Variants in SYCP1 observed in about 807,000 individuals in gnomAD.
The protein encoded by SYCP1 is cancer/testis antigen 8.
Under a neutral mutation model 153.1 loss-of-function variants are expected in SYCP1, and 64 were observed. The ratio of observed to expected loss-of-function variants is 0.42; its 90% CI spans 0.34 to 0.51. The LOEUF (loss-of-function observed/expected upper bound fraction) is 0.51. Ranked by LOEUF, SYCP1 falls within the 20% of genes least tolerant of loss-of-function variation. SYCP1 has a pLI of 0.06. For synonymous variants in SYCP1, 384 were observed against 341.8 expected (o/e 1.12, Z -1.36); for missense variants, 997 against 1,049.0 (o/e 0.95, Z 0.68).
intron 20 of SYCP1, among the ~76,000 whole-genome samples, chr1:114,914,343 C>A (rs1288992493): frequency 1.3e-5 from 2 of 151,290 alleles, no homozygotes; most frequent in Non-Finnish European, 2.9e-5. Context: ...ATATAGAAAT[C>A]TTAAAAATTA....
intron 23 of SYCP1, among the ~76,000 whole-genome samples, chr1:114,933,133 G>C (rs562638711): frequency 3.1e-4 from 47 of 152,286 alleles, no homozygotes; most frequent in African/African-American, 1.1e-3. Context: ...AGCCTAACTG[G>C]GAGGCACCTC....
At chr1:114,885,501 C>A in intron 12 of SYCP1, 34 bp from the exon 13 acceptor site, 1 of 1,256,782 alleles carries the variant, frequency 8.0e-7, no homozygotes, top group Non-Finnish European at 1.1e-6. Context: ...ATATCTTCTG[C>A]TAAGTACTAT....
chr1:114,992,688 G>A (rs541866595), intron 30 of SYCP1, among the ~76,000 whole-genome samples: 7 of 151,592 alleles, frequency 4.6e-5, no homozygotes, highest in African/African-American at 7.2e-5. Flanking sequence ...AACTATAGAC[G>A]AAAACACTGT....
intron 11 of SYCP1, among the ~76,000 whole-genome samples, chr1:114,877,697 C>CT (rs1176640067): frequency 2.6e-5 from 4 of 152,076 alleles, no homozygotes; most frequent in African/African-American, 7.2e-5. Context: ...ATTTGTAACA[C>CT]TTTTTTTGCT....
chr1:114,966,377 C>A (rs569274497), intron 27 of SYCP1, among the ~76,000 whole-genome samples: 34 of 152,114 alleles, frequency 2.2e-4, no homozygotes, highest in African/African-American at 7.7e-4. Flanking sequence ...TATTTCTTGT[C>A]TTCTGCCAGC....
intron 23 of SYCP1, among the ~76,000 whole-genome samples, chr1:114,937,974 T>A (rs1391344674): frequency 6.6e-6 from 1 of 152,202 alleles, no homozygotes; most frequent in Non-Finnish European, 1.5e-5. Context: ...TCAACCATTG[T>A]GGAAGACAGT....
At chr1:114,944,749 T>C (rs2101820430) in intron 24 of SYCP1, 123 bp from the exon 25 acceptor site, 1 of 759,856 alleles carries the variant, frequency 1.3e-6, no homozygotes, top group Non-Finnish European at 2.1e-6. Flanking sequence ...CATTTTCTAC[T>C]TGTTTTTCCA....
rs114634928 is a variant in SYCP1, at chr1:114,985,265, C to T, written c.2703+397C>T. 4.5e-3 allele frequency among the ~76,000 whole-genome samples: 685 copies of T among 151,964 alleles called. 3 individuals are homozygous for T. Among genetic ancestry groups the T allele is most frequent in the Non-Finnish European group, 7.0e-3 (472 of 67,886 alleles). On this transcript the variant is annotated intron_variant, in intron 30 of 31. Coordinates refer to ENST00000369522, the MANE Select transcript of SYCP1 (RefSeq NM_003176.4). ...CTCTATTTTGCATATTATACATGCTCCTTTTACATCACTGGTTGATATTTA... is the reference window on the plus strand; with the variant it reads ...CTCTATTTTGCATATTATACATGCTTCTTTTACATCACTGGTTGATATTTA...
chr1:114,987,614 A>G (rs1252338132), intron 30 of SYCP1, among the ~76,000 whole-genome samples: 1 of 152,050 alleles, frequency 6.6e-6, no homozygotes, highest in Non-Finnish European at 1.5e-5. Context: ...ATAGTCAGCT[A>G]TGATTATGTC....
intron 16 of SYCP1, among the ~76,000 whole-genome samples, chr1:114,906,213 C>T (rs1457614692): frequency 3.3e-5 from 5 of 152,086 alleles, no homozygotes; most frequent in African/African-American, 4.8e-5. Context: ...GTGATGCACC[C>T]GCCTTGACCT....
intron 6 of SYCP1, 89 bp downstream of exon 6, chr1:114,858,800 T>C (rs1369927656): frequency 7.0e-6 from 8 of 1,146,328 alleles, no homozygotes; most frequent in Non-Finnish European, 9.9e-6. Flanking sequence ...ATAAATTGGA[T>C]TGATCTTGTT....
intron 27 of SYCP1, among the ~76,000 whole-genome samples, chr1:114,953,661 T>C (rs928069718): frequency 2.0e-5 from 3 of 152,252 alleles, no homozygotes; most frequent in African/African-American, 7.2e-5. Context: ...CATTGATCTA[T>C]GTGTCTCTTC....
At chr1:114,978,797 T>C (rs539256523) in intron 28 of SYCP1, among the ~76,000 whole-genome samples, 1 of 151,760 alleles carries the variant, frequency 6.6e-6, no homozygotes, top group East Asian at 1.9e-4. Context: ...GACACTGTGC[T>C]AGACACTTGA....
intron 11 of SYCP1, 138 bp from the exon 12 acceptor site, chr1:114,877,956 T>G (rs1570682533): frequency 1.9e-6 from 1 of 524,688 alleles, no homozygotes; most frequent in Non-Finnish European, 3.4e-6. Context: ...TGCCAGGGAG[T>G]AGAGACCAGG....
At chr1:114,857,156 A>AAAAAAAAAAAAAAAAAAAAAAAAAAAAG (rs774041717) in intron 3 of SYCP1, 76 bp from the exon 4 acceptor site, 4 of 921,430 alleles carry the variant, frequency 4.3e-6, no homozygotes, top group Non-Finnish European at 4.6e-6. Context: ...AAAAAAAAAA[A>AAAAAAAAAAAAAAAAAAAAAAAAAAAAG]AGAGAAAAAA....
chr1:114,981,626 T>G, intron 29 of SYCP1, 114 bp downstream of exon 29: 1 of 993,052 alleles, frequency 1.0e-6, no homozygotes, highest in Non-Finnish European at 1.4e-6. Flanking sequence ...TCTTGAAAGT[T>G]TCAATTTTTT....
chr1:114,892,843 G>A (rs918305383), intron 15 of SYCP1, among the ~76,000 whole-genome samples: 1 of 152,024 alleles, frequency 6.6e-6, no homozygotes. Context: ...ATGGAGATGC[G>A]GGGGTTTTTG....
At position 114,881,765 on chromosome 1, in the gene SYCP1, G is replaced by A. The variant is rs188290385; in HGVS notation, c.910+3563G>A. On this transcript the variant is annotated intron_variant, in intron 12 of 31. Transcript: ENST00000369522. ...GATCCTCCTGCCTTGGCTTCCCAAA[G>A]TCCTGGGATTACAGATGTGAACCAC... Among the ~76,000 whole-genome samples, 1,072 of 152,272 alleles carry A rather than the reference G, an allele frequency of 7.0e-3. 42 individuals carry two copies. Among genetic ancestry groups the A allele is most frequent in the Admixed American group, 0.061 (937 of 15,278 alleles).
intron 27 of SYCP1, among the ~76,000 whole-genome samples, chr1:114,961,898 AT>A (rs1671800438): frequency 6.8e-6 from 1 of 146,942 alleles, no homozygotes; most frequent in Non-Finnish European, 1.5e-5. Context: ...TTCTTTGTTG[AT>A]TTTCTGTCTT....
Sources: gnomAD v4.1 joint callset for allele counts (sites outside exome capture counted in the v4.1 genomes callset) on GRCh38, gnomAD v4.1.1 for gene constraint, MANE v1.5 for transcripts, NCBI Gene and HGNC (gene_info 2026-07-23, HGNC 2026-07-21) for gene names.